ZNF438: variants seen among roughly 807,000 people sequenced by gnomAD.
ZNF438 encodes zinc finger protein 438.
In ZNF438, 25 loss-of-function variants were observed where a neutral mutation model predicts 38.0. That is an observed-to-expected ratio of 0.66 (90% CI 0.48 to 0.92). ZNF438 has a LOEUF of 0.92. ZNF438 is among the 40% of genes least tolerant of loss of function. ZNF438 has a pLI of 0.00. For synonymous variants in ZNF438, 372 were observed against 364.1 expected, an observed-to-expected ratio of 1.02 and a Z score of -0.25; for missense variants, 1,007 against 999.6, an observed-to-expected ratio of 1.01 and a Z score of -0.10.
At chr10:30,881,910 A>G (rs2039310436) in intron 3 of ZNF438, among the ~76,000 whole-genome samples, 1 of 152,172 alleles carries the variant, frequency 6.6e-6, no homozygotes, top group Non-Finnish European at 1.5e-5. Context: ...CACACCATAT[A>G]CAAAATTTGA....
chr10:31,029,266 T>C (rs952377988), intron 1 of ZNF438, among the ~76,000 whole-genome samples: 1 of 152,218 alleles, frequency 6.6e-6, no homozygotes, highest in Non-Finnish European at 1.5e-5. Flanking sequence ...GATGATTAAA[T>C]GAATTAATAT....
chr10:30,929,512 A>G (rs1278195403), intron 2 of ZNF438, among the ~76,000 whole-genome samples: 1 of 152,248 alleles, frequency 6.6e-6, no homozygotes, highest in Non-Finnish European at 1.5e-5. Context: ...TCATAAAGGC[A>G]GTGTGGACCC....
At chr10:31,016,658 C>T (rs866797481) in intron 1 of ZNF438, among the ~76,000 whole-genome samples, 25 of 152,130 alleles carry the variant, frequency 1.6e-4, no homozygotes, top group Non-Finnish European at 8.8e-5. Flanking sequence ...GCTTCATTTA[C>T]GGGGATGGGA....
At chr10:30,935,585 G>A (rs1312473031) in intron 2 of ZNF438, among the ~76,000 whole-genome samples, 1 of 152,106 alleles carries the variant, frequency 6.6e-6, no homozygotes, top group Non-Finnish European at 1.5e-5. Context: ...TCAAACATGG[G>A]GATCAAATTT....
At chr10:30,992,989 CT>C (rs1182948732) in intron 1 of ZNF438, among the ~76,000 whole-genome samples, 2 of 152,162 alleles carry the variant, frequency 1.3e-5, no homozygotes, top group African/African-American at 2.4e-5. Flanking sequence ...TGTGTGGTTA[CT>C]TTTTGCTACT....
At chr10:30,951,647 C>A (rs993750543) in intron 1 of ZNF438, among the ~76,000 whole-genome samples, 1 of 152,082 alleles carries the variant, frequency 6.6e-6, no homozygotes, top group African/African-American at 2.4e-5. Context: ...CGCCCATTCA[C>A]AATTGCTTCA....
chr10:31,003,038 A>C (rs1459746458), intron 1 of ZNF438, among the ~76,000 whole-genome samples: 1 of 152,186 alleles, frequency 6.6e-6, no homozygotes, highest in African/African-American at 2.4e-5. Context: ...AAGGGGGCTC[A>C]GTCCAGTGGT....
chr10:30,863,331 A>C (rs1007512505), intron 4 of ZNF438, among the ~76,000 whole-genome samples: 5 of 152,168 alleles, frequency 3.3e-5, no homozygotes, highest in African/African-American at 1.2e-4. Flanking sequence ...GTGGGTACTG[A>C]GGTGACTGGT....
chr10:30,850,041 G>A (rs560580443), exon 5 of ZNF438: 1 of 1,614,158 alleles, frequency 6.2e-7, no homozygotes, highest in Non-Finnish European at 8.5e-7. Context: ...TGATATCTAG[G>A]AATAGGAAGT....
At chr10:31,016,856 G>A (rs11008327) in intron 1 of ZNF438, among the ~76,000 whole-genome samples, 1 of 152,248 alleles carries the variant, frequency 6.6e-6, no homozygotes, top group East Asian at 1.9e-4. Flanking sequence ...ACCAAAGGTG[G>A]GAGTGCATCC....
intron 1 of ZNF438, among the ~76,000 whole-genome samples, chr10:30,948,347 C>T (rs999108231): frequency 6.6e-6 from 1 of 152,160 alleles, no homozygotes; most frequent in Non-Finnish European, 1.5e-5. Flanking sequence ...GAGCACCTCT[C>T]CTCCTCCAAA....
intron 4 of ZNF438, among the ~76,000 whole-genome samples, chr10:30,860,342 G>A (rs1327625300): frequency 3.9e-5 from 6 of 152,172 alleles, no homozygotes; most frequent in Non-Finnish European, 7.4e-5. Flanking sequence ...TCCATGTTTT[G>A]TTGAACCTCA....
intron 3 of ZNF438, among the ~76,000 whole-genome samples, chr10:30,878,687 T>G (rs1198012970): frequency 1.3e-5 from 2 of 152,060 alleles, no homozygotes; most frequent in African/African-American, 4.8e-5. Flanking sequence ...ACGGTAAAGC[T>G]AAGCTAAGAG....
intron 1 of ZNF438, among the ~76,000 whole-genome samples, chr10:31,008,029 TTAAATA>T (rs2055327281): frequency 6.6e-6 from 1 of 152,204 alleles, no homozygotes; most frequent in Non-Finnish European, 1.5e-5. Flanking sequence ...GAAAATCCTA[TTAAATA>T]TAAACAGTAG....
chr10:30,931,252 C>CA (rs2135290974), intron 2 of ZNF438, among the ~76,000 whole-genome samples: 1 of 152,318 alleles, frequency 6.6e-6, no homozygotes, highest in African/African-American at 2.4e-5. Flanking sequence ...TGAAAAATGA[C>CA]AAATAATGAA....
At chr10:30,945,026 A>T (rs1589331878) in intron 1 of ZNF438, among the ~76,000 whole-genome samples, 1 of 144,348 alleles carries the variant, frequency 6.9e-6, no homozygotes. Context: ...ATTTTTTTCT[A>T]CTTTACAGTA....
intron 1 of ZNF438, among the ~76,000 whole-genome samples, chr10:30,982,095 C>CT (rs149729936): frequency 6.9e-4 from 36 of 52,138 alleles, no homozygotes; most frequent in Middle Eastern, 9.6e-3. Flanking sequence ...TCCTTTTTCT[C>CT]TTTCTTTTTT....
chr10:30,994,754 G>A (rs1394793354), intron 1 of ZNF438, among the ~76,000 whole-genome samples: 1 of 152,204 alleles, frequency 6.6e-6, no homozygotes, highest in Non-Finnish European at 1.5e-5. Context: ...AATGAGGCTA[G>A]GCATGGCGGC....
chr10:30,934,611 G>A (rs540361194), intron 2 of ZNF438, among the ~76,000 whole-genome samples: 5 of 152,308 alleles, frequency 3.3e-5, no homozygotes, highest in African/African-American at 1.2e-4. Context: ...AAGCAGTTTT[G>A]TAAAAACAGT....
Sources: gnomAD v4.1 joint callset for allele counts (sites outside exome capture counted in the v4.1 genomes callset) on GRCh38, gnomAD v4.1.1 for gene constraint, MANE v1.5 for transcripts, NCBI Gene and HGNC (gene_info 2026-07-23, HGNC 2026-07-21) for gene names.